KIAA1671: variants seen among roughly 807,000 people sequenced by gnomAD.
KIAA1671 encodes uncharacterized protein KIAA1671.
KIAA1671 carries 52 observed loss-of-function variants against 131.2 expected under a neutral mutation model. The ratio of observed to expected loss-of-function variants is 0.40; its 90% CI spans 0.32 to 0.50. KIAA1671 has a LOEUF of 0.50. Among genes scored for constraint, KIAA1671 ranks in the 20% least tolerant of loss-of-function variants. KIAA1671 has a pLI of 0.73. For missense variants in KIAA1671, 2,360 were observed against 2,364.2 expected (o/e 1.00, Z 0.04); for synonymous variants, 1,003 against 961.6 (o/e 1.04, Z -0.80).
chr22:24,963,445 A>G (rs919009983), intron 1 of KIAA1671, among the ~76,000 whole-genome samples: 8 of 150,730 alleles, frequency 5.3e-5, no homozygotes, highest in Non-Finnish European at 8.8e-5. Context: ...GCTGGGTGTC[A>G]CGGGTGGGTT....
intron 1 of KIAA1671, among the ~76,000 whole-genome samples, chr22:24,996,870 C>T (rs536088342): frequency 1.1e-4 from 17 of 152,136 alleles, no homozygotes; most frequent in South Asian, 2.1e-4. Context: ...GGTGCCGCAG[C>T]AGGAAAGGGG....
chr22:24,964,768 G>T (rs1039756324), intron 1 of KIAA1671, among the ~76,000 whole-genome samples: 1 of 152,150 alleles, frequency 6.6e-6, no homozygotes, highest in African/African-American at 2.4e-5. Context: ...TTTTACAGGT[G>T]AGGAAACTGA....
At chr22:25,090,353 A>G (rs878863313) in intron 6 of KIAA1671, among the ~76,000 whole-genome samples, 3 of 152,188 alleles carry the variant, frequency 2.0e-5, no homozygotes, top group Admixed American at 2.0e-4. Flanking sequence ...CCATCCTCAT[A>G]TTTTGGAGAA....
chr22:25,006,748 T>C (rs1924770516), intron 1 of KIAA1671, among the ~76,000 whole-genome samples: 4 of 152,206 alleles, frequency 2.6e-5, no homozygotes, highest in African/African-American at 9.6e-5. Context: ...TTCTAGAGGC[T>C]GCTTCATTCC....
At chr22:25,019,693 A>T (rs1440630410) in intron 1 of KIAA1671, among the ~76,000 whole-genome samples, 6 of 152,208 alleles carry the variant, frequency 3.9e-5, no homozygotes, top group African/African-American at 1.4e-4. Flanking sequence ...ACAAAAAAAA[A>T]AAAATCCCTT....
At chr22:25,176,408 T>G (rs1229328293) in intron 8 of KIAA1671, 1 of 152,228 alleles carries the variant, frequency 6.6e-6, no homozygotes, top group Non-Finnish European at 1.5e-5. Context: ...CAACATTTCA[T>G]GTAAGAACGT....
intron 1 of KIAA1671, among the ~76,000 whole-genome samples, chr22:24,974,579 T>TA (rs1236198110): frequency 2.0e-5 from 3 of 152,148 alleles, no homozygotes; most frequent in Non-Finnish European, 4.4e-5. Flanking sequence ...ATTTTCTTGA[T>TA]ATGTGTATAC....
At chr22:25,151,992 G>A (rs919216017) in intron 6 of KIAA1671, among the ~76,000 whole-genome samples, 1 of 152,190 alleles carries the variant, frequency 6.6e-6, no homozygotes, top group Admixed American at 6.5e-5. Flanking sequence ...GCCCGCCTAA[G>A]CCTCCCAATG....
chr22:25,094,344 G>T (rs1387781698), intron 6 of KIAA1671, among the ~76,000 whole-genome samples: 1 of 152,088 alleles, frequency 6.6e-6, no homozygotes, highest in African/African-American at 2.4e-5. Flanking sequence ...GTGGCTTTGT[G>T]GAGTGAATGA....
chr22:25,070,920 T>A (rs1286954936), intron 6 of KIAA1671, among the ~76,000 whole-genome samples: 1 of 152,186 alleles, frequency 6.6e-6, no homozygotes, highest in Non-Finnish European at 1.5e-5. Flanking sequence ...TGCTGTCTCC[T>A]CTGGATAACA....
At chr22:24,953,367 C>A (rs926602472) in intron 1 of KIAA1671, among the ~76,000 whole-genome samples, 14 of 151,896 alleles carry the variant, frequency 9.2e-5, no homozygotes, top group Non-Finnish European at 4.4e-5. Flanking sequence ...GGGCGGCGAG[C>A]GAGACGGAAC....
chr22:25,133,834 C>T (rs1039762066), intron 6 of KIAA1671, among the ~76,000 whole-genome samples: 13 of 152,308 alleles, frequency 8.5e-5, no homozygotes, highest in African/African-American at 3.1e-4. Flanking sequence ...AGGTGCGAGC[C>T]ACCGCATCCT....
rs1213066626 is a variant in KIAA1671 at position 25,017,212 on chromosome 22, G to A, written c.-207-8421G>A. ...AGCCTGGCCAACATGGCAAAACCCC[G>A]TCTCTACTAAAAATACAAAAGTTAG... is the stretch of plus-strand genomic sequence containing the variant. On this transcript the variant is annotated intron_variant, in intron 1 of 12. Coordinates refer to ENST00000358431, the MANE Select transcript of KIAA1671 (RefSeq NM_001145206.2). Among the ~76,000 whole-genome samples, 38 of 152,244 alleles carry A rather than the reference G, an allele frequency of 2.5e-4. 2 individuals are homozygous for A. The highest frequency in any genetic ancestry group is 7.9e-4 in the African/African-American group (33 of 41,550).
chr22:24,969,473 T>C (rs1360953826), intron 1 of KIAA1671, among the ~76,000 whole-genome samples: 3 of 152,226 alleles, frequency 2.0e-5, no homozygotes, highest in African/African-American at 7.2e-5. Flanking sequence ...TCTGTACATG[T>C]TCATTACAGA....
intron 6 of KIAA1671, chr22:25,111,919 C>T: frequency 3.6e-6 from 1 of 281,338 alleles, no homozygotes; most frequent in South Asian, 1.7e-4. Context: ...TTTATAACTC[C>T]GCTGGGGTGG....
chr22:24,956,916 T>C lies in KIAA1671; in HGVS notation c.-208+4144T>C, dbSNP rs148803794. Reference sequence around the variant, plus strand: ...AGGGAGGGAGGGAATCAGCCAGAGATAGTCCAGGGCAAACCCTGGCCCTGC... The same window carrying C: ...AGGGAGGGAGGGAATCAGCCAGAGACAGTCCAGGGCAAACCCTGGCCCTGC... On this transcript the variant is annotated intron_variant, in intron 1 of 12. Coordinates refer to ENST00000358431, the MANE Select transcript of KIAA1671 (RefSeq NM_001145206.2). Among the ~76,000 whole-genome samples the C allele has an allele frequency of 1.3e-3, 195 of 149,972 alleles. 1 individual carries two copies. Among genetic ancestry groups the C allele is most frequent in the African/African-American group, 4.6e-3 (188 of 40,686 alleles).
chr22:25,160,221 C>T (rs994500498), intron 6 of KIAA1671, among the ~76,000 whole-genome samples: 8 of 152,072 alleles, frequency 5.3e-5, no homozygotes, highest in Admixed American at 2.0e-4. Flanking sequence ...GGAGTGGAGC[C>T]GGAGCTGAGG....
chr22:25,117,986 A>G (rs571261560), intron 6 of KIAA1671, among the ~76,000 whole-genome samples: 3 of 151,900 alleles, frequency 2.0e-5, no homozygotes, highest in East Asian at 3.9e-4. Flanking sequence ...TAAAAATACA[A>G]AATTAGCCCA....
At chr22:24,973,029 C>T (rs1922709071) in intron 1 of KIAA1671, among the ~76,000 whole-genome samples, 1 of 152,046 alleles carries the variant, frequency 6.6e-6, no homozygotes, top group South Asian at 2.1e-4. Flanking sequence ...GTAGCAGGAC[C>T]GGCAAGTGCA....
Sources: allele counts gnomAD v4.1 joint callset (sites outside exome capture counted in the v4.1 genomes callset), GRCh38; gene constraint gnomAD v4.1.1; transcripts MANE v1.5; gene names NCBI Gene and HGNC (gene_info 2026-07-23, HGNC 2026-07-21).